SNX29: variants seen among roughly 807,000 people sequenced by gnomAD.
SNX29 encodes the protein sorting nexin 29.
In SNX29, 78 loss-of-function variants were observed where a neutral mutation model predicts 102.1. The observed-to-expected ratio is 0.76, with a 90% CI of 0.64 to 0.92. SNX29 has a LOEUF of 0.92. Among genes scored for constraint, SNX29 ranks in the 40% least tolerant of loss-of-function variants. SNX29 has a pLI of 0.00. For synonymous variants in SNX29, 580 were observed against 414.5 expected (o/e 1.40, Z -4.85); for missense variants, 1,280 against 1,061.7 (o/e 1.21, Z -2.86).
At chr16:12,511,547 C>A (rs1009424918) in intron 19 of SNX29, among the ~76,000 whole-genome samples, 1 of 152,114 alleles carries the variant, frequency 6.6e-6, no homozygotes, top group African/African-American at 2.4e-5. Flanking sequence ...CGTGTGGAGC[C>A]CTTGTTCCTT....
chr16:12,404,398 C>A (rs1157570236), intron 18 of SNX29, among the ~76,000 whole-genome samples: 2 of 152,072 alleles, frequency 1.3e-5, no homozygotes, highest in East Asian at 3.9e-4. Flanking sequence ...GTCTGCATGT[C>A]TGTCTTCCTT....
Position 12,365,764 on chromosome 16 carries a change from C to T in SNX29, c.1899+9485C>T, listed in dbSNP as rs187326095. On this transcript the variant is annotated intron_variant, in intron 16 of 20. Coordinates refer to ENST00000566228, the MANE Select transcript of SNX29 (RefSeq NM_032167.5). ...GTTGCCCAAAAGCAGAACAGTGGGC[C>T]GGGCGCGGTGGCTCACGCCTGTAAT... Among the ~76,000 whole-genome samples the T allele has an allele frequency of 5.6e-4, 84 of 150,776 alleles. 1 individual carries two copies. Among genetic ancestry groups the T allele is most frequent in the Non-Finnish European group, 8.0e-4 (54 of 67,840 alleles).
At chr16:12,041,236 C>A (rs189844657) in intron 4 of SNX29, among the ~76,000 whole-genome samples, 1 of 152,158 alleles carries the variant, frequency 6.6e-6, no homozygotes, top group Non-Finnish European at 1.5e-5. Context: ...CTCAGCCTCC[C>A]GTGTAGCTGG....
intron 15 of SNX29, among the ~76,000 whole-genome samples, chr16:12,327,661 G>C (rs2081160975): frequency 6.6e-6 from 1 of 152,140 alleles, no homozygotes; most frequent in Non-Finnish European, 1.5e-5. Flanking sequence ...TTGAACATGT[G>C]AATTACGGGG....
chr16:12,306,890 G>A (rs892608929), intron 15 of SNX29, among the ~76,000 whole-genome samples: 1 of 152,206 alleles, frequency 6.6e-6, no homozygotes, highest in African/African-American at 2.4e-5. Flanking sequence ...TGTTCTTCAA[G>A]GGTTTGCCAT....
At chr16:12,330,574 T>A (rs1308086408) in intron 15 of SNX29, among the ~76,000 whole-genome samples, 2 of 152,336 alleles carry the variant, frequency 1.3e-5, no homozygotes, top group East Asian at 3.9e-4. Flanking sequence ...GTCACCTTTT[T>A]ACAGAATATG....
chr16:12,554,877 G>C (rs146987138), intron 20 of SNX29, among the ~76,000 whole-genome samples: 2 of 152,122 alleles, frequency 1.3e-5, no homozygotes, highest in African/African-American at 4.8e-5. Flanking sequence ...ACAAAGATAT[G>C]TCAGCATGCC....
At chr16:12,420,888 A>G (rs1597321660) in intron 18 of SNX29, among the ~76,000 whole-genome samples, 1 of 152,312 alleles carries the variant, frequency 6.6e-6, no homozygotes, top group East Asian at 1.9e-4. Flanking sequence ...GGGAGCCACC[A>G]GCGCTGCTGA....
chr16:11,976,901 G>A (rs1414035485), intron 1 of SNX29, 88 bp downstream of exon 1: 3 of 1,279,512 alleles, frequency 2.3e-6, no homozygotes, highest in Non-Finnish European at 3.0e-6. Context: ...GCGTCCTCGC[G>A]CCCCGCTCCC....
chr16:12,462,291 C>G (rs940544574), intron 18 of SNX29, among the ~76,000 whole-genome samples: 1 of 151,868 alleles, frequency 6.6e-6, no homozygotes, highest in African/African-American at 2.4e-5. Context: ...AGAGACGTGC[C>G]TTTCATTTTG....
At chr16:12,521,533 C>T (rs894356981) in intron 19 of SNX29, among the ~76,000 whole-genome samples, 2 of 152,132 alleles carry the variant, frequency 1.3e-5, no homozygotes, top group African/African-American at 4.8e-5. Context: ...CTGATCTCTC[C>T]TTATTGCTTT....
intron 14 of SNX29, among the ~76,000 whole-genome samples, chr16:12,232,656 T>C (rs1231978348): frequency 6.6e-6 from 1 of 152,130 alleles, no homozygotes; most frequent in Non-Finnish European, 1.5e-5. Flanking sequence ...TTCATGAGAG[T>C]GTGATTCTCC....
chr16:12,532,825 C>A (rs1243216999), intron 20 of SNX29, among the ~76,000 whole-genome samples: 2 of 152,180 alleles, frequency 1.3e-5, no homozygotes, highest in African/African-American at 2.4e-5. Flanking sequence ...GCCTGGTCAG[C>A]CTAGCGAGGG....
chr16:12,066,131 C>A (rs1324773098), intron 9 of SNX29, among the ~76,000 whole-genome samples: 1 of 152,136 alleles, frequency 6.6e-6, no homozygotes, highest in Non-Finnish European at 1.5e-5. Context: ...GGGTCCATGC[C>A]TTTGCCCCAG....
intron 14 of SNX29, among the ~76,000 whole-genome samples, chr16:12,206,259 G>A (rs1379853270): frequency 1.3e-5 from 2 of 152,018 alleles, no homozygotes; most frequent in African/African-American, 4.8e-5. Context: ...TGCCTTCAGG[G>A]ATGGTTTGAT....
chr16:12,043,003 G>C lies in SNX29; in HGVS notation c.354G>C (p.Trp118Cys). ...CAGACGTGGGCCGGGGTCGCGCCTG[G>C]CTGCGCTGTGCCCTCAACGAACACT... ...IASDVGRGRAWLRCALNEHSL... is the reference protein window; with the variant it reads ...IASDVGRGRACLRCALNEHSL... Residue 118 changes from tryptophan to cysteine, a missense_variant, in exon 5 of 21, where the codon TGG (tryptophan) becomes TGC (cysteine). By Grantham distance (215) the Trp-to-Cys change is radical. Transcript: ENST00000566228. The C allele has an allele frequency of 3.7e-6, 6 of 1,613,632 alleles. No individual in the cohort carries two copies. The highest frequency in any genetic ancestry group is 5.1e-6 in the Non-Finnish European group (6 of 1,179,860).
At chr16:12,462,883 C>G (rs1223026234) in intron 18 of SNX29, among the ~76,000 whole-genome samples, 2 of 152,182 alleles carry the variant, frequency 1.3e-5, no homozygotes, top group Non-Finnish European at 1.5e-5. Context: ...CTCAAATATC[C>G]AGACTGCAAC....
chr16:12,540,184 T>C (rs753458733), intron 20 of SNX29, among the ~76,000 whole-genome samples: 2 of 152,182 alleles, frequency 1.3e-5, no homozygotes, highest in Non-Finnish European at 2.9e-5. Context: ...GAGTGGACTT[T>C]TGTGTCAGGT....
intron 3 of SNX29, 102 bp from the exon 4 acceptor site, chr16:12,027,218 G>A: frequency 3.4e-6 from 5 of 1,471,752 alleles, no homozygotes; most frequent in Non-Finnish European, 2.8e-6. Context: ...TTCACGCTGA[G>A]GTTTACACCT....
Sources: gnomAD v4.1 joint callset for allele counts (sites outside exome capture counted in the v4.1 genomes callset) on GRCh38, gnomAD v4.1.1 for gene constraint, MANE v1.5 for transcripts, NCBI Gene and HGNC (gene_info 2026-07-23, HGNC 2026-07-21) for gene names.